Variants in BCL2L13 observed in about 807,000 individuals in gnomAD.
BCL2L13 encodes BCL2 like 13.
BCL2L13 carries 13 observed loss-of-function variants against 25.8 expected under a neutral mutation model. The ratio of observed to expected loss-of-function variants is 0.50; its 90% CI spans 0.33 to 0.80. BCL2L13 has a LOEUF of 0.80. BCL2L13 is among the 30% of genes least tolerant of loss of function. BCL2L13 has a pLI of 0.02. For synonymous variants in BCL2L13, 244 were observed against 230.3 expected, an observed-to-expected ratio of 1.06 and a Z score of -0.54; for missense variants, 504 against 574.9, an observed-to-expected ratio of 0.88 and a Z score of 1.26.
At chr22:17,654,294 A>G (rs1439985252) in intron 1 of BCL2L13, among the ~76,000 whole-genome samples, 1 of 151,882 alleles carries the variant, frequency 6.6e-6, no homozygotes, top group African/African-American at 2.4e-5. Context: ...TTTAGAGACA[A>G]GGTTTTACCA....
chr22:17,676,305 C>A (rs2059574456), intron 2 of BCL2L13, among the ~76,000 whole-genome samples: 1 of 151,496 alleles, frequency 6.6e-6, no homozygotes. Context: ...CTACTAAAAA[C>A]AAAAAAAAAT....
At chr22:17,684,859 A>G (rs945350050) in intron 3 of BCL2L13, among the ~76,000 whole-genome samples, 1 of 151,848 alleles carries the variant, frequency 6.6e-6, no homozygotes, top group African/African-American at 2.4e-5. Context: ...CAGCCTCCCG[A>G]GTAGCTGGGA....
Position 17,729,961 on chromosome 22 carries a change from T to G in BCL2L13, c.*2427T>G, listed in dbSNP as rs1601823573. 6.6e-6 allele frequency: 1 copy of G among 152,296 alleles called. No individual in the cohort carries two copies. Among genetic ancestry groups the G allele is most frequent in the African/African-American group, 2.4e-5 (1 of 41,578 alleles). 9.4% of individuals were successfully genotyped at this position (152,296 alleles called of 1,614,324 possible). A position where few individuals can be genotyped will look rare whatever the true frequency, so the allele number is the denominator to read the frequency against. ...CTTTTTGCTCATACATTTAAAAAAC[T>G]ATTTCTCAAGCTTCCCCTCCTTTTG... On this transcript the variant is annotated 3_prime_UTR_variant, in exon 7 of 7. Coordinates refer to ENST00000317582, the MANE Select transcript of BCL2L13 (RefSeq NM_015367.4).
chr22:17,724,614 C>A (rs2061244252), intron 6 of BCL2L13, among the ~76,000 whole-genome samples: 1 of 152,130 alleles, frequency 6.6e-6, no homozygotes, highest in Non-Finnish European at 1.5e-5. Flanking sequence ...GGCTGATAGA[C>A]TTTTGATTTA....
chr22:17,693,355 T>G (rs2145650406), intron 4 of BCL2L13, among the ~76,000 whole-genome samples: 1 of 138,710 alleles, frequency 7.2e-6, no homozygotes. Flanking sequence ...ATTTATTTAT[T>G]TATTTATTTA....
At chr22:17,639,420 G>A (rs2058187632) in intron 1 of BCL2L13, among the ~76,000 whole-genome samples, 1 of 152,116 alleles carries the variant, frequency 6.6e-6, no homozygotes, top group South Asian at 2.1e-4. Flanking sequence ...CTTGCCCTTG[G>A]AGGCAGTACA....
intron 3 of BCL2L13, among the ~76,000 whole-genome samples, chr22:17,686,051 C>T (rs776437999): frequency 1.3e-5 from 2 of 151,762 alleles, no homozygotes; most frequent in Admixed American, 6.6e-5. Context: ...GGATTACAGG[C>T]GTGAGCCACC....
intron 2 of BCL2L13, among the ~76,000 whole-genome samples, chr22:17,679,636 A>G (rs2059676733): frequency 6.6e-6 from 1 of 151,988 alleles, no homozygotes; most frequent in South Asian, 2.1e-4. Flanking sequence ...ACCTGAAAGT[A>G]GAAGAAAAAA....
intron 2 of BCL2L13, among the ~76,000 whole-genome samples, chr22:17,673,533 ATT>A (rs34253686): frequency 0.026 from 3,404 of 131,038 alleles, 128 homozygotes; most frequent in African/African-American, 0.089. Context: ...ATGCCTGGCA[ATT>A]TTTTTTTTTT....
chr22:17,665,259 C>G (rs2059200060), intron 2 of BCL2L13, among the ~76,000 whole-genome samples: 1 of 152,168 alleles, frequency 6.6e-6, no homozygotes, highest in African/African-American at 2.4e-5. Context: ...TAGCAAGAGT[C>G]ACCTTTGTTC....
chr22:17,687,019 A>G (rs2059961803), intron 3 of BCL2L13, among the ~76,000 whole-genome samples: 1 of 152,154 alleles, frequency 6.6e-6, no homozygotes. Flanking sequence ...CAAACAACAA[A>G]GTATTTGTGA....
intron 2 of BCL2L13, among the ~76,000 whole-genome samples, chr22:17,661,376 C>G (rs1300124073): frequency 6.8e-6 from 1 of 146,002 alleles, no homozygotes; most frequent in Admixed American, 6.9e-5. Flanking sequence ...CAGGTGTGAG[C>G]CACCGTGCCT....
intron 6 of BCL2L13, among the ~76,000 whole-genome samples, chr22:17,718,336 C>T (rs1033141663): frequency 6.6e-6 from 1 of 151,954 alleles, no homozygotes; most frequent in African/African-American, 2.4e-5. Context: ...TAGATGCTAG[C>T]CAAAATATTA....
intron 6 of BCL2L13, among the ~76,000 whole-genome samples, chr22:17,711,240 G>A (rs1033671961): frequency 6.6e-6 from 1 of 150,998 alleles, no homozygotes; most frequent in Non-Finnish European, 1.5e-5. Context: ...AATCATAAGA[G>A]GAAGAGACAT....
chr22:17,685,973 C>T (rs1480256948), intron 3 of BCL2L13, among the ~76,000 whole-genome samples: 2 of 151,082 alleles, frequency 1.3e-5, no homozygotes, highest in Non-Finnish European at 1.5e-5. Flanking sequence ...GGGGTTTCAC[C>T]GTGTTAGCCA....
chr22:17,704,251 A>C (rs1255274955), intron 6 of BCL2L13, among the ~76,000 whole-genome samples: 1 of 151,926 alleles, frequency 6.6e-6, no homozygotes, highest in African/African-American at 2.4e-5. Context: ...ATGACCAGCT[A>C]CTTTTTGTAT....
intron 1 of BCL2L13, among the ~76,000 whole-genome samples, chr22:17,632,008 C>T (rs1171644908): frequency 6.6e-6 from 1 of 152,018 alleles, no homozygotes; most frequent in Non-Finnish European, 1.5e-5. Context: ...GCGTGAGCCA[C>T]GGCGCCTGGC....
chr22:17,680,239 G>A (rs1347751600), intron 2 of BCL2L13, among the ~76,000 whole-genome samples: 3 of 114,496 alleles, frequency 2.6e-5, no homozygotes, highest in Admixed American at 9.2e-5. Context: ...AGCTGGGCAC[G>A]GTGGCTCACG....
chr22:17,695,915 A>G (rs2060251141), intron 4 of BCL2L13: 1 of 449,234 alleles, frequency 2.2e-6, no homozygotes, highest in African/African-American at 1.9e-5. Flanking sequence ...ATATACATTT[A>G]TCTTGCTATG....
Sources: allele counts gnomAD v4.1 joint callset (sites outside exome capture counted in the v4.1 genomes callset), GRCh38; gene constraint gnomAD v4.1.1; transcripts MANE v1.5; gene names NCBI Gene and HGNC (gene_info 2026-07-23, HGNC 2026-07-21).